Variants in SCAPER observed in about 807,000 individuals in gnomAD.
SCAPER encodes S phase cyclin A-associated protein in the endoplasmic reticulum.
Under a neutral mutation model 182.2 loss-of-function variants are expected in SCAPER, and 98 were observed. That is an observed-to-expected ratio of 0.54 (90% CI 0.46 to 0.64). SCAPER has a LOEUF of 0.64. Ranked by LOEUF, SCAPER falls within the 30% of genes least tolerant of loss-of-function variation. SCAPER has a pLI of 0.00. For synonymous variants in SCAPER, 605 were observed against 564.6 expected (o/e 1.07, Z -1.01); for missense variants, 1,432 against 1,690.0 (o/e 0.85, Z 2.68).
chr15:76,538,526 T>G (rs138251265), intron 23 of SCAPER, among the ~76,000 whole-genome samples: 13 of 152,004 alleles, frequency 8.6e-5, no homozygotes, highest in African/African-American at 3.1e-4. Context: ...TGAGAACACA[T>G]GGACACAGGA....
At chr15:76,488,518 C>G (rs78816983) in intron 24 of SCAPER, among the ~76,000 whole-genome samples, 2,196 of 152,038 alleles carry the variant, frequency 0.014, 58 homozygotes, top group African/African-American at 0.051. Flanking sequence ...TCATATCATA[C>G]TCTCTCCTTC....
intron 25 of SCAPER, among the ~76,000 whole-genome samples, chr15:76,466,635 G>C (rs779409661): frequency 6.6e-6 from 1 of 150,766 alleles, no homozygotes; most frequent in Non-Finnish European, 1.5e-5. Flanking sequence ...TCTACGTCTC[G>C]AAAGCTTTGT....
At chr15:76,644,737 G>GC in intron 21 of SCAPER, among the ~76,000 whole-genome samples, 1 of 152,154 alleles carries the variant, frequency 6.6e-6, no homozygotes, top group African/African-American at 2.4e-5. Flanking sequence ...TTTTGTAATT[G>GC]CCTTGCTCTA....
chr15:76,626,791 A>G (rs2052622218), intron 21 of SCAPER, among the ~76,000 whole-genome samples: 1 of 152,216 alleles, frequency 6.6e-6, no homozygotes, highest in Non-Finnish European at 1.5e-5. Flanking sequence ...GTTCACTTCC[A>G]GCTGTTTCCT....
intron 21 of SCAPER, among the ~76,000 whole-genome samples, chr15:76,654,268 CATG>C (rs2055421406): frequency 6.6e-6 from 1 of 152,032 alleles, no homozygotes; most frequent in Non-Finnish European, 1.5e-5. Flanking sequence ...ATTAGCCGGG[CATG>C]GTGGTGGGCG....
chr15:76,466,419 CTTTTTTTTTTT>C lies in SCAPER; in HGVS notation c.3078+4782_3078+4792del. 6.9e-4 allele frequency among the ~76,000 whole-genome samples: 26 copies of C among 37,420 alleles called. 1 individual carries two copies. Among genetic ancestry groups the C allele is most frequent in the Admixed American group, 3.8e-3 (8 of 2,088 alleles). 24.5% of individuals were successfully genotyped at this position (37,420 alleles called of 152,430 possible). On this transcript the variant is annotated intron_variant, in intron 25 of 31. Coordinates refer to ENST00000563290, the MANE Select transcript of SCAPER (RefSeq NM_020843.4). ...TCAGTTCCAAAATTGGTTGGTTCTTCTTTTTTTTTTTTTTTTTTTTTTTGTATTTTCTGTCT... is the reference window on the plus strand; with the variant it reads ...TCAGTTCCAAAATTGGTTGGTTCTTCTTTTTTTTTTTTGTATTTTCTGTCT...
chr15:76,812,497 A>AAAAAAAAAAG (rs61243906), intron 5 of SCAPER, among the ~76,000 whole-genome samples: 11 of 122,410 alleles, frequency 9.0e-5, no homozygotes, highest in Non-Finnish European at 1.7e-4. Flanking sequence ...AAAAAAAAAA[A>AAAAAAAAAAG]AAAGAAAGAA....
intron 20 of SCAPER, among the ~76,000 whole-genome samples, chr15:76,685,692 CAATTT>C (rs1202086603): frequency 6.6e-6 from 1 of 151,984 alleles, no homozygotes; most frequent in Non-Finnish European, 1.5e-5. Context: ...TAGAACTTGA[CAATTT>C]AATTCTAAAA....
intron 1 of SCAPER, among the ~76,000 whole-genome samples, chr15:76,900,380 A>C (rs1595966842): frequency 6.6e-6 from 1 of 151,456 alleles, no homozygotes; most frequent in African/African-American, 2.4e-5. Context: ...AAATAAATAC[A>C]TACATACATA....
At chr15:76,655,810 C>T (rs2055585962) in intron 21 of SCAPER, among the ~76,000 whole-genome samples, 1 of 152,056 alleles carries the variant, frequency 6.6e-6, no homozygotes, top group South Asian at 2.1e-4. Flanking sequence ...AAAAACTAAG[C>T]TTCATAAGGG....
intron 21 of SCAPER, among the ~76,000 whole-genome samples, chr15:76,641,475 CT>C (rs1336227998): frequency 4.6e-5 from 7 of 152,112 alleles, no homozygotes; most frequent in Non-Finnish European, 8.8e-5. Context: ...CGATGACCCC[CT>C]GGACCCAGCT....
chr15:76,452,316 C>T (rs2048423610), intron 25 of SCAPER, among the ~76,000 whole-genome samples: 1 of 152,198 alleles, frequency 6.6e-6, no homozygotes, highest in African/African-American at 2.4e-5. Context: ...TTCCCTGCAG[C>T]TATACTGTGA....
intron 21 of SCAPER, among the ~76,000 whole-genome samples, chr15:76,662,634 A>C (rs1030513831): frequency 8.5e-5 from 13 of 152,162 alleles, no homozygotes; most frequent in African/African-American, 3.1e-4. Flanking sequence ...AGAAACTTAG[A>C]CATCAATGGA....
intron 23 of SCAPER, among the ~76,000 whole-genome samples, chr15:76,559,204 T>A (rs59933950): frequency 9.3e-4 from 36 of 38,524 alleles, no homozygotes; most frequent in Non-Finnish European, 1.8e-3. Context: ...CCAGCTAATT[T>A]TTTTTTTTTT....
chr15:76,898,900 G>A (rs2074582911), intron 1 of SCAPER, among the ~76,000 whole-genome samples: 2 of 152,078 alleles, frequency 1.3e-5, no homozygotes, highest in African/African-American at 4.8e-5. Context: ...TTAAATGGGT[G>A]GATTTTATGG....
intron 4 of SCAPER, among the ~76,000 whole-genome samples, chr15:76,844,934 C>T (rs182514658): frequency 4.6e-5 from 7 of 152,264 alleles, no homozygotes; most frequent in Non-Finnish European, 8.8e-5. Flanking sequence ...AGGCCACTAT[C>T]TTTGATGAAC....
At chr15:76,521,184 G>A (rs2042805288) in intron 23 of SCAPER, among the ~76,000 whole-genome samples, 1 of 152,136 alleles carries the variant, frequency 6.6e-6, no homozygotes, top group Non-Finnish European at 1.5e-5. Context: ...ACTATTAGAT[G>A]AGACAAAGAT....
intron 17 of SCAPER, among the ~76,000 whole-genome samples, chr15:76,718,375 T>C (rs936530868): frequency 6.6e-6 from 1 of 152,054 alleles, no homozygotes; most frequent in Non-Finnish European, 1.5e-5. Context: ...ATATATCTAA[T>C]AGAGAGTTAA....
At chr15:76,611,221 T>A (rs1440013161) in intron 22 of SCAPER, among the ~76,000 whole-genome samples, 1 of 150,888 alleles carries the variant, frequency 6.6e-6, no homozygotes, top group East Asian at 2.0e-4. Flanking sequence ...TGCAAAAAAA[T>A]GAAATCGAAC....
Sources: gnomAD v4.1 joint callset for allele counts (sites outside exome capture counted in the v4.1 genomes callset) on GRCh38, gnomAD v4.1.1 for gene constraint, MANE v1.5 for transcripts, NCBI Gene and HGNC (gene_info 2026-07-23, HGNC 2026-07-21) for gene names.